The following SLC26A7 variants were observed in gnomAD, a reference collection of about 807,000 sequenced individuals.
The protein encoded by SLC26A7 is solute carrier family 26 member 7.
Under a neutral mutation model 82.5 loss-of-function variants are expected in SLC26A7, and 59 were observed. The ratio of observed to expected loss-of-function variants is 0.72; its 90% confidence interval spans 0.58 to 0.89. The LOEUF is 0.89. Ranked by LOEUF, SLC26A7 falls within the 40% of genes least tolerant of loss-of-function variation. The pLI is 0.00. For missense variants in SLC26A7, 820 were observed against 793.0 expected (o/e 1.03, Z -0.41); for synonymous variants, 271 against 274.3 (o/e 0.99, Z 0.12).
At chr8:91,260,351 C>G (rs189745316) in intron 2 of SLC26A7, among the ~76,000 whole-genome samples, 9 of 152,284 alleles carry the variant, frequency 5.9e-5, no homozygotes, top group African/African-American at 2.2e-4. Context: ...GATCTAATCA[C>G]CTCCTACCAT....
chr8:91,390,945 T>A (rs756060337), intron 16 of SLC26A7, among the ~76,000 whole-genome samples: 1 of 152,190 alleles, frequency 6.6e-6, no homozygotes, highest in Non-Finnish European at 1.5e-5. Flanking sequence ...GTTGTGTACT[T>A]CTTTGTGGAG....
intron 2 of SLC26A7, among the ~76,000 whole-genome samples, chr8:91,253,832 C>T (rs2130702589): frequency 6.6e-6 from 1 of 152,190 alleles, no homozygotes; most frequent in South Asian, 2.1e-4. Context: ...ATGTCTTAAT[C>T]TATATATTCT....
Position 91,318,198 on chromosome 8 carries a change from T to G in SLC26A7, c.478-18T>G, listed in dbSNP as rs1279031511. On this transcript the variant is annotated intron_variant, in intron 4 of 18. Coordinates refer to ENST00000276609, the MANE Select transcript of SLC26A7 (RefSeq NM_052832.4). ...AGTTTCATCTGAAGTTCATCTCACT[T>G]CTCCCTTCTCCTCTTAGGTGGCCAT... 1 of 1,579,174 alleles carries G rather than the reference T, an allele frequency of 6.3e-7. No individual in the cohort carries two copies. Among genetic ancestry groups the G allele is most frequent in the Non-Finnish European group, 8.6e-7 (1 of 1,159,808 alleles).
chr8:91,343,959 A>G lies in SLC26A7; in HGVS notation c.1140+493A>G, dbSNP rs1032647368. Reference sequence around the variant, plus strand: ...TTTTTTAGGAACTCAAATCAATTTGACATCTATTGAGGGCCTGTGATATAC... The same window carrying G: ...TTTTTTAGGAACTCAAATCAATTTGGCATCTATTGAGGGCCTGTGATATAC... On this transcript the variant is annotated intron_variant, in intron 9 of 18. Coordinates refer to ENST00000276609, the MANE Select transcript of SLC26A7 (RefSeq NM_052832.4). 9.3e-6 allele frequency: 7 copies of G among 749,256 alleles called. No individual in the cohort carries two copies. The African/African-American group carries it at 1.1e-4, about 12-fold the overall frequency. 46.4% of individuals were successfully genotyped at this position (749,256 alleles called of 1,614,324 possible).
chr8:91,357,316 C>T (rs377339110), intron 11 of SLC26A7: 14 of 152,252 alleles, frequency 9.2e-5, no homozygotes, highest in African/African-American at 3.4e-4. Context: ...ATCCAAATTT[C>T]ACAGTATTTG....
At chr8:91,394,193 A>T (rs747248147) in intron 18 of SLC26A7, 154 bp downstream of exon 18, 43 of 1,611,996 alleles carry the variant, frequency 2.7e-5, no homozygotes, top group South Asian at 2.4e-4. Context: ...TTACAGGTAA[A>T]AGAATGTTTC....
At chr8:91,251,466 T>C (rs1810654858) in intron 2 of SLC26A7, among the ~76,000 whole-genome samples, 2 of 152,128 alleles carry the variant, frequency 1.3e-5, no homozygotes, top group African/African-American at 2.4e-5. Flanking sequence ...CAAAAACGTT[T>C]TTGTTTGTGA....
At chr8:91,394,429 C>T (rs911078794) in intron 18 of SLC26A7, 1 of 1,418,318 alleles carries the variant, frequency 7.1e-7, no homozygotes, top group Non-Finnish European at 9.2e-7. Flanking sequence ...TATCTTGCCT[C>T]TAAGCTTATA....
intron 11 of SLC26A7, among the ~76,000 whole-genome samples, chr8:91,353,570 CCTATCT>C (rs1813780936): frequency 6.6e-6 from 1 of 152,044 alleles, no homozygotes; most frequent in East Asian, 1.9e-4. Context: ...TCTAGAGAAA[CCTATCT>C]ATGCAAGAGC....
chr8:91,308,125 T>C (rs1412133297), intron 4 of SLC26A7, among the ~76,000 whole-genome samples: 4 of 152,188 alleles, frequency 2.6e-5, no homozygotes, highest in Admixed American at 2.6e-4. Context: ...TTTTAAATTT[T>C]TAATTATCTT....
chr8:91,253,127 A>T (rs1411120734), intron 2 of SLC26A7, among the ~76,000 whole-genome samples: 1 of 152,158 alleles, frequency 6.6e-6, no homozygotes, highest in Non-Finnish European at 1.5e-5. Flanking sequence ...TTGTAAGAAC[A>T]CTTGACATAT....
chr8:91,320,852 A>G (rs1288270515), intron 5 of SLC26A7, among the ~76,000 whole-genome samples: 1 of 152,246 alleles, frequency 6.6e-6, no homozygotes, highest in Non-Finnish European at 1.5e-5. Flanking sequence ...AAAGTAATTC[A>G]GGCTGATGAG....
At chr8:91,340,669 GGGTT>G in intron 8 of SLC26A7, 118 bp downstream of exon 8, 2 of 1,218,340 alleles carry the variant, frequency 1.6e-6, no homozygotes, top group Admixed American at 2.4e-5. Flanking sequence ...CAGCAAGAGT[GGGTT>G]GAACAAAAAA....
At chr8:91,248,553 T>C (rs1162137526), upstream of SLC26A7, among the ~76,000 whole-genome samples, 1 of 152,120 alleles carries the variant, frequency 6.6e-6, no homozygotes, top group Non-Finnish European at 1.5e-5. Flanking sequence ...TAGATTTAAG[T>C]TTTTCTTTTT....
At chr8:91,368,944 C>T (rs947678367) in intron 14 of SLC26A7, among the ~76,000 whole-genome samples, 6 of 152,106 alleles carry the variant, frequency 3.9e-5, no homozygotes, top group Non-Finnish European at 5.9e-5. Flanking sequence ...AAAATACATA[C>T]GCTGTAGCAC....
chr8:91,285,737 T>C (rs568287612), intron 2 of SLC26A7, among the ~76,000 whole-genome samples: 3 of 152,226 alleles, frequency 2.0e-5, no homozygotes, highest in Non-Finnish European at 4.4e-5. Flanking sequence ...AAAATATTGT[T>C]GGTCTTGTAT....
intron 3 of SLC26A7, 53 bp from the exon 4 acceptor site, chr8:91,295,478 G>A (rs1299264100): frequency 1.3e-6 from 2 of 1,559,050 alleles, no homozygotes; most frequent in African/African-American, 1.4e-5. Context: ...AATTTTTATT[G>A]AGCCTTTAAA....
intron 4 of SLC26A7, among the ~76,000 whole-genome samples, chr8:91,301,938 T>C (rs1163540204): frequency 6.6e-6 from 1 of 152,104 alleles, no homozygotes; most frequent in East Asian, 1.9e-4. Context: ...AATTCTGTGA[T>C]TTCAGTTTGT....
At chr8:91,251,733 C>T (rs534148840) in intron 2 of SLC26A7, among the ~76,000 whole-genome samples, 34 of 152,112 alleles carry the variant, frequency 2.2e-4, no homozygotes, top group African/African-American at 7.2e-4. Context: ...TTTCCCTGGA[C>T]GTCATACCTG....
Sources: gnomAD v4.1 joint callset for allele counts (sites outside exome capture counted in the v4.1 genomes callset) on GRCh38, gnomAD v4.1.1 for gene constraint, MANE v1.5 for transcripts, NCBI Gene and HGNC (gene_info 2026-07-23, HGNC 2026-07-21) for gene names.